The following CCDC146 variants were observed in gnomAD, a reference collection of about 807,000 sequenced individuals.
CCDC146 encodes the protein coiled-coil domain-containing protein 146.
A neutral mutation model predicts 119.3 loss-of-function variants in CCDC146; 92 were observed. The observed-to-expected ratio is 0.77, with a 90% CI of 0.65 to 0.92. The LOEUF is 0.92. Ranked by LOEUF, CCDC146 falls within the 40% of genes least tolerant of loss-of-function variation. The probability of loss-of-function intolerance (pLI) is 0.00; values close to 1 mark genes in which losing one functional copy is unlikely to be tolerated. For missense variants in CCDC146, 1,000 were observed against 1,103.0 expected (o/e 0.91, Z 1.32); for synonymous variants, 372 against 371.8 (o/e 1.00, Z -0.01).
intron 11 of CCDC146, among the ~76,000 whole-genome samples, chr7:77,277,673 T>G (rs767545555): frequency 1.3e-5 from 2 of 152,194 alleles, no homozygotes; most frequent in Admixed American, 1.3e-4. Context: ...TATTCATGTG[T>G]ACAGTTACTT....
intron 2 of CCDC146, among the ~76,000 whole-genome samples, chr7:77,169,002 G>C (rs1164374252): frequency 6.6e-6 from 1 of 151,996 alleles, no homozygotes; most frequent in South Asian, 2.1e-4. Context: ...GGTCTTGCCA[G>C]TTGTCCCAAT....
At chr7:77,148,076 C>A (rs1005219710) in intron 1 of CCDC146, among the ~76,000 whole-genome samples, 2 of 152,220 alleles carry the variant, frequency 1.3e-5, no homozygotes, top group African/African-American at 4.8e-5. Context: ...AGCTTCCAGG[C>A]CACTTTGATT....
Position 77,196,258 on chromosome 7 carries a change from TG to T in CCDC146, c.156+28436del. Reference sequence around the variant, plus strand: ...ATTGCCCTATTAGATAACGAATACCTGGAGGAATGAACAGAGTGATTTATGG... The same window carrying T: ...ATTGCCCTATTAGATAACGAATACCTGAGGAATGAACAGAGTGATTTATGG... On this transcript the variant is annotated intron_variant, in intron 2 of 18. Coordinates refer to ENST00000285871, the MANE Select transcript of CCDC146 (RefSeq NM_020879.3). This position sits in a 1 kb window ranked among gnomAD's most constrained non-coding sequence, Gnocchi z 4.2. 1 of 1,564,562 alleles carries T rather than the reference TG, an allele frequency of 6.4e-7. No homozygotes were observed. Among genetic ancestry groups the T allele is most frequent in the Non-Finnish European group, 8.7e-7 (1 of 1,143,234 alleles).
At chr7:77,266,991 ATTTT>A (rs71085446) in intron 9 of CCDC146, among the ~76,000 whole-genome samples, 17 of 136,370 alleles carry the variant, frequency 1.2e-4, no homozygotes, top group Non-Finnish European at 1.6e-4. Flanking sequence ...ATGCAAAGGA[ATTTT>A]TTTTTTTTTT....
intron 3 of CCDC146, 118 bp downstream of exon 3, chr7:77,237,147 C>A: frequency 2.5e-6 from 2 of 802,466 alleles, no homozygotes; most frequent in Non-Finnish European, 4.2e-6. Flanking sequence ...GATTTGCGTT[C>A]AGGGAGTTTG....
At chr7:77,276,290 C>T (rs1459059116) in intron 11 of CCDC146, among the ~76,000 whole-genome samples, 1 of 151,460 alleles carries the variant, frequency 6.6e-6, no homozygotes, top group Admixed American at 6.6e-5. Flanking sequence ...TGTTCTCAGT[C>T]TAAGTAAGGA....
chr7:77,294,842 TG>T lies in CCDC146; in HGVS notation c.2845del (p.Val949LeufsTer2). The T allele has an allele frequency of 6.2e-7, 1 of 1,613,954 alleles. No homozygotes were observed. Among genetic ancestry groups the T allele is most frequent in the Non-Finnish European group, 8.5e-7 (1 of 1,180,004 alleles). Reference protein sequence around the residue: ...GANMRHIRKPVIKPVEI With the variant: ...GANMRHIRKPXIKPVEI The stretch of plus-strand genomic sequence containing the variant: ...CCAATATGAGGCACATAAGGAAACC[TG>T]TTATAAAGCCAGTTGAAATCTGAAT... On this transcript the variant is annotated frameshift_variant, in exon 19 of 19. Transcript: ENST00000285871. LOFTEE classifies it high-confidence loss of function.
chr7:77,184,422 G>A (rs1370267682), intron 2 of CCDC146, among the ~76,000 whole-genome samples: 1 of 152,070 alleles, frequency 6.6e-6, no homozygotes, highest in Admixed American at 6.5e-5. Context: ...ATGATATCAC[G>A]GCCTTTCTAG....
intron 2 of CCDC146, among the ~76,000 whole-genome samples, chr7:77,175,626 G>A: frequency 6.6e-6 from 1 of 151,298 alleles, no homozygotes; most frequent in Non-Finnish European, 1.5e-5. Context: ...CCAAGTTTCA[G>A]TTGCATGTCA....
chr7:77,230,494 ATG>A (rs71524923), intron 2 of CCDC146, among the ~76,000 whole-genome samples: 22 of 149,320 alleles, frequency 1.5e-4, no homozygotes, highest in South Asian at 2.1e-4. Context: ...GTTGACAGGT[ATG>A]TGTGTGTGTG....
At chr7:77,130,597 CTTTTTTTTT>C (rs34309739) in intron 1 of CCDC146, among the ~76,000 whole-genome samples, 2 of 125,758 alleles carry the variant, frequency 1.6e-5, no homozygotes, top group Non-Finnish European at 3.3e-5. Context: ...TCCTTTCTTT[CTTTTTTTTT>C]TTTTTTTTTT....
chr7:77,288,890 A>T (rs1793894811), intron 17 of CCDC146, among the ~76,000 whole-genome samples: 1 of 152,258 alleles, frequency 6.6e-6, no homozygotes, highest in African/African-American at 2.4e-5. Flanking sequence ...CACTTCAAGG[A>T]TGAGTAATCA....
chr7:77,226,951 C>T (rs779559184), intron 2 of CCDC146, among the ~76,000 whole-genome samples: 30 of 152,208 alleles, frequency 2.0e-4, no homozygotes, highest in Non-Finnish European at 3.2e-4. Flanking sequence ...TGAATGTTGA[C>T]GTCTAGATTA....
intron 3 of CCDC146, 33 bp from the exon 4 acceptor site, chr7:77,241,658 A>G (rs780689904): frequency 1.3e-6 from 2 of 1,596,824 alleles, no homozygotes. Context: ...TACATGTCTC[A>G]TTATGTGAGT....
At chr7:77,200,980 T>C (rs1038358051) in intron 2 of CCDC146, among the ~76,000 whole-genome samples, 1 of 152,228 alleles carries the variant, frequency 6.6e-6, no homozygotes, top group Non-Finnish European at 1.5e-5. Flanking sequence ...CTATCTCATA[T>C]TTATGTCTTT....
chr7:77,235,705 G>C (rs1792721203), intron 2 of CCDC146, among the ~76,000 whole-genome samples: 1 of 152,188 alleles, frequency 6.6e-6, no homozygotes, highest in Non-Finnish European at 1.5e-5. Flanking sequence ...TTTAGTAGTG[G>C]TCCAATTGAG....
intron 2 of CCDC146, among the ~76,000 whole-genome samples, chr7:77,224,844 CAAGT>C (rs1470065459): frequency 1.3e-5 from 2 of 152,126 alleles, no homozygotes; most frequent in African/African-American, 2.4e-5. Flanking sequence ...TCAAGGAAGA[CAAGT>C]AAGGAAGTCC....
At chr7:77,259,237 G>A (rs1793241760) in intron 7 of CCDC146, 169 bp downstream of exon 7, 1 of 505,364 alleles carries the variant, frequency 2.0e-6, no homozygotes, top group Middle Eastern at 5.0e-4. Context: ...AGAAAGTAAT[G>A]CACCAAATTT....
chr7:77,203,590 C>T (rs1792033827), intron 2 of CCDC146, among the ~76,000 whole-genome samples: 1 of 152,080 alleles, frequency 6.6e-6, no homozygotes, highest in African/African-American at 2.4e-5. Context: ...ACCTGAAGAG[C>T]TGACTTGTCC....
Sources: allele counts gnomAD v4.1 joint callset (sites outside exome capture counted in the v4.1 genomes callset), GRCh38; gene constraint gnomAD v4.1.1; non-coding constraint Gnocchi (gnomAD v3.1); transcripts MANE v1.5; gene names NCBI Gene and HGNC (gene_info 2026-07-23, HGNC 2026-07-21).